RIT2: variants seen among roughly 807,000 people sequenced by gnomAD.
RIT2 encodes Ras like without CAAX 2, also known as GTP-binding protein Rit2.
In RIT2, 24 loss-of-function variants were observed where a neutral mutation model predicts 23.7. The observed-to-expected ratio is 1.01, with a 90% confidence interval of 0.73 to 1.43. The LOEUF is 1.43. Among genes scored for constraint, RIT2 ranks in the 40% most tolerant of loss-of-function variants. The pLI is 0.00. For synonymous variants in RIT2, 107 were observed against 91.1 expected, an observed-to-expected ratio of 1.17 and a Z score of -0.99; for missense variants, 236 against 266.9, an observed-to-expected ratio of 0.88 and a Z score of 0.81.
intron 2 of RIT2, among the ~76,000 whole-genome samples, chr18:42,994,245 G>A (rs890553915): frequency 6.6e-6 from 1 of 152,092 alleles, no homozygotes; most frequent in Middle Eastern, 3.2e-3. Flanking sequence ...CTGCCACAAG[G>A]CTTCACGGAC....
At chr18:42,852,171 G>A (rs1907071827) in intron 4 of RIT2, among the ~76,000 whole-genome samples, 1 of 152,176 alleles carries the variant, frequency 6.6e-6, no homozygotes, top group Non-Finnish European at 1.5e-5. Context: ...TACAAAGTGT[G>A]CCTTAACACA....
intron 1 of RIT2, among the ~76,000 whole-genome samples, chr18:43,078,910 A>G (rs192552345): frequency 6.6e-6 from 1 of 152,300 alleles, no homozygotes; most frequent in African/African-American, 2.4e-5. Context: ...GAAAAGGAGC[A>G]GGGACACTGT....
intron 1 of RIT2, among the ~76,000 whole-genome samples, chr18:43,041,422 C>T (rs1056660768): frequency 3.3e-5 from 5 of 152,084 alleles, no homozygotes; most frequent in African/African-American, 7.2e-5. Context: ...CATTACTTAA[C>T]GGTAAGCCCT....
In RIT2 at chr18:42,918,712, C is replaced by T. The variant is rs530279822; in HGVS notation, c.426+4860G>A. ...ACAAGGGAGACACTATGAAATTATG[C>T]TTAGGACGCTTGATATGTGTGTACT... is the stretch of plus-strand genomic sequence containing the variant. On this transcript the variant is annotated intron_variant, in intron 4 of 4. Transcript: ENST00000326695. Among the ~76,000 whole-genome samples the T allele has an allele frequency of 6.6e-5, 10 of 152,192 alleles. No individual in the cohort carries two copies. In the South Asian group the frequency reaches 1.9e-3, roughly 28 times the overall value.
intron 4 of RIT2, among the ~76,000 whole-genome samples, chr18:42,891,209 C>T (rs566337170): frequency 9.9e-5 from 15 of 152,096 alleles, no homozygotes; most frequent in Non-Finnish European, 1.9e-4. Flanking sequence ...CCTAATAGTA[C>T]ACTCAGCTTC....
chr18:42,983,949 C>G (rs1465245489), intron 2 of RIT2, among the ~76,000 whole-genome samples: 1 of 151,946 alleles, frequency 6.6e-6, no homozygotes, highest in Non-Finnish European at 1.5e-5. Context: ...AGATTGTTTC[C>G]TACAACAATT....
At chr18:42,879,071 T>G (rs905142644) in intron 4 of RIT2, among the ~76,000 whole-genome samples, 7 of 152,234 alleles carry the variant, frequency 4.6e-5, no homozygotes, top group Non-Finnish European at 8.8e-5. Context: ...TATATTTAAA[T>G]ACATCAGGTA....
At chr18:42,962,985 T>C (rs940815507) in intron 3 of RIT2, among the ~76,000 whole-genome samples, 1 of 152,184 alleles carries the variant, frequency 6.6e-6, no homozygotes, top group Non-Finnish European at 1.5e-5. Context: ...TTGGTCACAG[T>C]GTGTCTCCAG....
intron 1 of RIT2, among the ~76,000 whole-genome samples, chr18:43,104,237 G>A (rs1913755670): frequency 6.6e-6 from 1 of 152,102 alleles, no homozygotes; most frequent in Non-Finnish European, 1.5e-5. Flanking sequence ...TAAAAAAGTT[G>A]ATATAGAAGT....
chr18:43,086,520 T>C (rs11664382), intron 1 of RIT2, among the ~76,000 whole-genome samples: 141,383 of 152,204 alleles, frequency 0.93, 66,484 homozygotes, highest in East Asian at 1. Context: ...AACGTAAATG[T>C]AACTGTAGAG....
intron 3 of RIT2, among the ~76,000 whole-genome samples, chr18:42,935,328 G>C (rs1031262853): frequency 1.3e-5 from 2 of 152,136 alleles, no homozygotes; most frequent in Non-Finnish European, 2.9e-5. Flanking sequence ...AACGAACAAG[G>C]ACACTGCTCA....
At chr18:43,057,798 C>CTTTTTTTTTTTTT (rs11393575) in intron 1 of RIT2, among the ~76,000 whole-genome samples, 3,857 of 121,726 alleles carry the variant, frequency 0.032, 234 homozygotes, top group South Asian at 0.093. Context: ...GTGATGGACA[C>CTTTTTTTTTTTTT]TTTTTTTTTT....
chr18:43,052,256 G>A (rs527417856), intron 1 of RIT2, among the ~76,000 whole-genome samples: 209 of 152,126 alleles, frequency 1.4e-3, no homozygotes, highest in African/African-American at 4.3e-3. Flanking sequence ...GTGTGTAAAA[G>A]ACCTGCACTT....
At chr18:43,037,270 G>C (rs1015349560) in intron 1 of RIT2, among the ~76,000 whole-genome samples, 5 of 152,126 alleles carry the variant, frequency 3.3e-5, no homozygotes, top group Non-Finnish European at 5.9e-5. Flanking sequence ...TCAATATTTT[G>C]ATCAGAATGT....
intron 1 of RIT2, among the ~76,000 whole-genome samples, chr18:43,069,523 C>T (rs1912851173): frequency 6.6e-6 from 1 of 152,162 alleles, no homozygotes; most frequent in Non-Finnish European, 1.5e-5. Flanking sequence ...TCCGTCTAGA[C>T]TTGGCTTGTC....
chr18:43,077,616 G>A (rs1408020059), intron 1 of RIT2, among the ~76,000 whole-genome samples: 2 of 152,064 alleles, frequency 1.3e-5, no homozygotes, highest in Non-Finnish European at 2.9e-5. Flanking sequence ...CTGGCTTTAC[G>A]GCTATGATGA....
At chr18:42,859,415 G>A (rs1018060089) in intron 4 of RIT2, among the ~76,000 whole-genome samples, 14 of 152,252 alleles carry the variant, frequency 9.2e-5, no homozygotes, top group South Asian at 4.1e-4. Flanking sequence ...TCCCTATATT[G>A]TTGAGTTGTA....
At chr18:43,067,152 A>C (rs1912789142) in intron 1 of RIT2, among the ~76,000 whole-genome samples, 1 of 152,110 alleles carries the variant, frequency 6.6e-6, no homozygotes, top group Non-Finnish European at 1.5e-5. Flanking sequence ...CTGAAGGATA[A>C]AAATCATATT....
At chr18:42,932,112 T>C (rs1909340521) in intron 3 of RIT2, among the ~76,000 whole-genome samples, 1 of 152,272 alleles carries the variant, frequency 6.6e-6, no homozygotes, top group South Asian at 2.1e-4. Context: ...ATTTTACAGT[T>C]GTATTGAGAG....
Sources: allele counts gnomAD v4.1 joint callset (sites outside exome capture counted in the v4.1 genomes callset), GRCh38; gene constraint gnomAD v4.1.1; transcripts MANE v1.5; gene names NCBI Gene and HGNC (gene_info 2026-07-23, HGNC 2026-07-21).